DLGAP2: variants seen among roughly 807,000 people sequenced by gnomAD.
DLGAP2 encodes DLG associated protein 2, also known as disks large-associated protein 2.
Under a neutral mutation model 100.3 loss-of-function variants are expected in DLGAP2, and 26 were observed. The ratio of observed to expected loss-of-function variants is 0.26; its 90% CI spans 0.19 to 0.36. The LOEUF (loss-of-function observed/expected upper bound fraction) is 0.36. Ranked by LOEUF, DLGAP2 falls within the 10% of genes least tolerant of loss-of-function variation. The probability of loss-of-function intolerance (pLI) is 1.00; values close to 1 mark genes in which losing one functional copy is unlikely to be tolerated. For synonymous variants in DLGAP2, 886 were observed against 630.1 expected, an observed-to-expected ratio of 1.41 and a Z score of -6.08; for missense variants, 1,858 against 1,453.2, an observed-to-expected ratio of 1.28 and a Z score of -4.53.
chr8:1,250,896 C>T (rs1291712976), intron 2 of DLGAP2, among the ~76,000 whole-genome samples: 2 of 152,162 alleles, frequency 1.3e-5, no homozygotes, highest in African/African-American at 4.8e-5. Context: ...TGCCCTTAGG[C>T]GGCTTTGTTG....
intron 3 of DLGAP2, chr8:1,369,232 A>G (rs965323159): frequency 6.6e-6 from 1 of 152,144 alleles, no homozygotes; most frequent in African/African-American, 2.4e-5. Context: ...TGTGGTTTCA[A>G]CAACATTTAT....
intron 3 of DLGAP2, among the ~76,000 whole-genome samples, chr8:1,446,115 T>G (rs1379058160): frequency 1.3e-5 from 2 of 152,028 alleles, no homozygotes; most frequent in Admixed American, 6.6e-5. Flanking sequence ...ATTTGTCAAT[T>G]TTGGCTTTTG....
intron 2 of DLGAP2, among the ~76,000 whole-genome samples, chr8:1,157,877 C>G (rs946218988): frequency 6.6e-6 from 1 of 152,190 alleles, no homozygotes; most frequent in Non-Finnish European, 1.5e-5. Context: ...CAGATGCTGC[C>G]GGTGTTCCGT....
chr8:801,599 C>T (rs547010906), intron 1 of DLGAP2, among the ~76,000 whole-genome samples: 58 of 152,254 alleles, frequency 3.8e-4, no homozygotes, highest in Non-Finnish European at 6.8e-4. Context: ...GGCCAGTGGG[C>T]TTGTGGGGCT....
At chr8:1,623,253 C>T (rs1229053389) in intron 6 of DLGAP2, among the ~76,000 whole-genome samples, 2 of 152,220 alleles carry the variant, frequency 1.3e-5, no homozygotes, top group African/African-American at 4.8e-5. Context: ...CAGAGCCAGG[C>T]CACCTGGACT....
chr8:1,304,603 T>C (rs185870806), intron 3 of DLGAP2, among the ~76,000 whole-genome samples: 27 of 152,316 alleles, frequency 1.8e-4, no homozygotes, highest in Admixed American at 1.4e-3. Flanking sequence ...AGTACAATTG[T>C]TCTTAATCCA....
At chr8:750,239 C>T (rs1194773466) in intron 1 of DLGAP2, among the ~76,000 whole-genome samples, 3 of 152,232 alleles carry the variant, frequency 2.0e-5, no homozygotes, top group African/African-American at 7.2e-5. Flanking sequence ...CCTGGCACCA[C>T]CCGTGGGCAC....
intron 5 of DLGAP2, 115 bp downstream of exon 5, chr8:1,549,798 A>G (rs533407255): frequency 8.7e-7 from 1 of 1,146,182 alleles, no homozygotes; most frequent in African/African-American, 1.6e-5. Flanking sequence ...GTGCAACAGG[A>G]TGTTCTGAGC....
chr8:1,548,959 A>G lies in DLGAP2; in HGVS notation c.506A>G (p.His169Arg). The change falls in exon 5 of 15, where the codon CAC becomes CGC. Residue 169 changes from histidine to arginine, a missense_variant. Physicochemically the swap from His to Arg is conservative, Grantham distance 29. Transcript: ENST00000637795. Reference protein sequence around the residue: ...STFPRMHYSSHYDTRDDCAVA... With the variant: ...STFPRMHYSSRYDTRDDCAVA... ...TTCCCGCGGATGCACTACAGCTCGC[A>G]CTACGACACGCGCGACGACTGCGCT... 6.3e-7 allele frequency: 1 copy of G among 1,599,132 alleles called. No individual in the cohort carries two copies. Among genetic ancestry groups the G allele is most frequent in the East Asian group, 2.2e-5 (1 of 44,842 alleles).
At chr8:1,178,886 G>GC (rs1164135085) in intron 2 of DLGAP2, among the ~76,000 whole-genome samples, 4 of 152,272 alleles carry the variant, frequency 2.6e-5, no homozygotes, top group South Asian at 2.1e-4. Flanking sequence ...TCAGTTAGGA[G>GC]CCCCCCTGCC....
intron 1 of DLGAP2, among the ~76,000 whole-genome samples, chr8:761,787 T>C (rs1004670457): frequency 6.6e-6 from 1 of 152,180 alleles, no homozygotes; most frequent in African/African-American, 2.4e-5. Flanking sequence ...GGTCGCGCTG[T>C]CCTCACCCCT....
intron 2 of DLGAP2, among the ~76,000 whole-genome samples, chr8:1,223,449 A>T (rs1798356529): frequency 6.6e-6 from 1 of 152,196 alleles, no homozygotes; most frequent in Admixed American, 6.5e-5. Context: ...TGAAACAATT[A>T]GTGGGTGGAT....
At chr8:1,265,226 G>A (rs1166054821) in intron 3 of DLGAP2, among the ~76,000 whole-genome samples, 2 of 152,186 alleles carry the variant, frequency 1.3e-5, no homozygotes, top group East Asian at 1.9e-4. Flanking sequence ...AAAAGAAACA[G>A]GAGCCATAAT....
At chr8:1,490,518 G>A (rs1799348553) in intron 3 of DLGAP2, among the ~76,000 whole-genome samples, 1 of 152,262 alleles carries the variant, frequency 6.6e-6, no homozygotes, top group Non-Finnish European at 1.5e-5. Context: ...TGATGGGAGA[G>A]TCCTGTTCTG....
chr8:781,472 T>A (rs1025448675), intron 1 of DLGAP2, among the ~76,000 whole-genome samples: 36 of 152,226 alleles, frequency 2.4e-4, no homozygotes, highest in African/African-American at 8.4e-4. Context: ...AATGCAAATA[T>A]GAAAGCATTT....
At chr8:1,589,528 C>A (rs1284869810) in intron 6 of DLGAP2, among the ~76,000 whole-genome samples, 2 of 152,104 alleles carry the variant, frequency 1.3e-5, no homozygotes, top group Non-Finnish European at 2.9e-5. Flanking sequence ...CCTCAACCTC[C>A]CCAGGCTCTA....
At chr8:1,206,907 G>A (rs543826727) in intron 2 of DLGAP2, among the ~76,000 whole-genome samples, 14 of 152,082 alleles carry the variant, frequency 9.2e-5, no homozygotes, top group East Asian at 3.9e-4. Context: ...CCCCGGCCCC[G>A]TCTCCATCCA....
chr8:1,559,259 A>G (rs1350519572), intron 5 of DLGAP2, among the ~76,000 whole-genome samples: 1 of 152,190 alleles, frequency 6.6e-6, no homozygotes, highest in Non-Finnish European at 1.5e-5. Context: ...CCGTCGTGGA[A>G]AGAAATTTAT....
chr8:1,567,360 G>A (rs1245187034), intron 6 of DLGAP2, among the ~76,000 whole-genome samples: 3 of 152,208 alleles, frequency 2.0e-5, no homozygotes, highest in African/African-American at 7.2e-5. Flanking sequence ...GGGCTCCAAG[G>A]CCAGCCTCAG....
Sources: gnomAD v4.1 joint callset for allele counts (sites outside exome capture counted in the v4.1 genomes callset) on GRCh38, gnomAD v4.1.1 for gene constraint, MANE v1.5 for transcripts, NCBI Gene and HGNC (gene_info 2026-07-23, HGNC 2026-07-21) for gene names.